Variants in AMOTL1 observed in about 807,000 individuals in gnomAD.
AMOTL1 encodes the protein angiomotin-like protein 1.
A neutral mutation model predicts 102.9 loss-of-function variants in AMOTL1; 45 were observed. That is an observed-to-expected ratio of 0.44 (90% CI 0.34 to 0.56). The LOEUF (loss-of-function observed/expected upper bound fraction) is 0.56, where lower values mean the gene tolerates loss of function less well. AMOTL1 is among the 20% of genes least tolerant of loss of function. AMOTL1 has a pLI of 0.01. For synonymous variants in AMOTL1, 481 were observed against 484.7 expected (o/e 0.99, Z 0.10); for missense variants, 1,114 against 1,225.6 (o/e 0.91, Z 1.36).
chr11:94,821,461 T>C, intron 3 of AMOTL1, 69 bp from the exon 4 acceptor site: 1 of 1,496,232 alleles, frequency 6.7e-7, no homozygotes, highest in Non-Finnish European at 9.0e-7. Flanking sequence ...AGTGCCAGTA[T>C]TGTTGGGGCT....
In AMOTL1 at chr11:94,853,896, C is replaced by A. The variant is rs750510924; in HGVS notation, c.1795-37C>A. Reference sequence around the variant, plus strand: ...CACCCCAGCTTTGAGAATCAGTGGTCTAAATTCTGTGCTCTTTTTTACTCT... The same window carrying A: ...CACCCCAGCTTTGAGAATCAGTGGTATAAATTCTGTGCTCTTTTTTACTCT... On this transcript the variant is annotated intron_variant, in intron 7 of 12. Transcript: ENST00000433060. 4 of 1,591,710 alleles carry A rather than the reference C, an allele frequency of 2.5e-6. No individual in the cohort carries two copies. In the South Asian group the frequency reaches 3.4e-5, roughly 14 times the overall value.
intron 6 of AMOTL1, among the ~76,000 whole-genome samples, chr11:94,845,562 G>A (rs1256288212): frequency 6.6e-6 from 1 of 152,170 alleles, no homozygotes; most frequent in Non-Finnish European, 1.5e-5. Flanking sequence ...CCTGTGGTAG[G>A]CATTTTATGG....
intron 4 of AMOTL1, among the ~76,000 whole-genome samples, chr11:94,826,900 C>G (rs180733184): frequency 1.3e-4 from 20 of 151,982 alleles, no homozygotes; most frequent in Admixed American, 1.2e-3. Context: ...TTTCTAGGTC[C>G]CTTCTAAGCA....
intron 3 of AMOTL1, among the ~76,000 whole-genome samples, chr11:94,755,739 T>C (rs963312671): frequency 6.6e-6 from 1 of 152,118 alleles, no homozygotes. Context: ...GGGAGCGTTT[T>C]TGGGCTCCAA....
upstream of AMOTL1, among the ~76,000 whole-genome samples, chr11:94,764,606 C>T (rs1462466258): frequency 6.6e-6 from 1 of 152,186 alleles, no homozygotes; most frequent in Middle Eastern, 3.2e-3. Flanking sequence ...TCATGTTCAT[C>T]CACTCTTCTT....
chr11:94,730,340 C>T (rs567823534), intron 2 of AMOTL1, among the ~76,000 whole-genome samples: 21 of 152,116 alleles, frequency 1.4e-4, no homozygotes, highest in Non-Finnish European at 2.8e-4. Flanking sequence ...GCAAAGGCTG[C>T]TATTATCATC....
At chr11:94,797,788 A>T (rs1951395589) in intron 2 of AMOTL1, among the ~76,000 whole-genome samples, 1 of 152,198 alleles carries the variant, frequency 6.6e-6, no homozygotes, top group Non-Finnish European at 1.5e-5. Flanking sequence ...CTGGAGCTTA[A>T]ACGCCAAAGG....
intron 6 of AMOTL1, among the ~76,000 whole-genome samples, chr11:94,848,406 A>C (rs1245759190): frequency 6.6e-6 from 1 of 151,994 alleles, no homozygotes; most frequent in East Asian, 1.9e-4. Flanking sequence ...TGGTGGCCTC[A>C]TCTTGTTTTC....
At chr11:94,864,699 T>A (rs750896840) in intron 9 of AMOTL1, 36 bp from the exon 10 acceptor site, 1 of 1,599,518 alleles carries the variant, frequency 6.3e-7, no homozygotes, top group Non-Finnish European at 8.5e-7. Flanking sequence ...AGCAAGAAGG[T>A]TTCCTATGAT....
chr11:94,783,729 A>G (rs1951142542), intron 1 of AMOTL1, among the ~76,000 whole-genome samples: 1 of 152,158 alleles, frequency 6.6e-6, no homozygotes, highest in South Asian at 2.1e-4. Context: ...TTTCTGCTTT[A>G]TGTGTTTGTC....
In AMOTL1 at chr11:94,807,244, G is replaced by A. The variant is rs117626661; in HGVS notation, c.1121+6933G>A. 4.2e-3 allele frequency among the ~76,000 whole-genome samples: 641 copies of A among 152,176 alleles called. 20 individuals carry two copies. The East Asian group carries it at 0.086, about 20-fold the overall frequency. On this transcript the variant is annotated intron_variant, in intron 3 of 12. Transcript: ENST00000433060. Reference sequence around the variant, plus strand: ...GTTCACTATGTTGCTTCAAGGACTAGAAAATTATAAGAAAATACTGTAAGT... The same window carrying A: ...GTTCACTATGTTGCTTCAAGGACTAAAAAATTATAAGAAAATACTGTAAGT...
At chr11:94,844,637 A>G (rs1263588511) in intron 6 of AMOTL1, among the ~76,000 whole-genome samples, 1 of 152,210 alleles carries the variant, frequency 6.6e-6, no homozygotes, top group African/African-American at 2.4e-5. Flanking sequence ...AGCAGAACTC[A>G]TTTTTTAAAT....
intron 6 of AMOTL1, among the ~76,000 whole-genome samples, chr11:94,833,464 C>T (rs1952114008): frequency 6.6e-6 from 1 of 152,170 alleles, no homozygotes; most frequent in Admixed American, 6.5e-5. Flanking sequence ...CAGATATTTT[C>T]TCCAGTTGTT....
intron 8 of AMOTL1, among the ~76,000 whole-genome samples, chr11:94,858,191 G>T (rs1038670103): frequency 6.6e-6 from 1 of 152,120 alleles, no homozygotes; most frequent in African/African-American, 2.4e-5. Flanking sequence ...GTCTCATCTC[G>T]CTGGACTGGT....
chr11:94,768,208 C>T (rs1407864106), upstream of AMOTL1: 9 of 1,079,304 alleles, frequency 8.3e-6, no homozygotes, highest in South Asian at 2.9e-4. Context: ...TCTCGCGGCC[C>T]GGGGAGGGGC....
intron 1 of AMOTL1, among the ~76,000 whole-genome samples, chr11:94,720,518 A>G (rs1950159424): frequency 6.6e-6 from 1 of 152,152 alleles, no homozygotes; most frequent in Non-Finnish European, 1.5e-5. Flanking sequence ...ATGTGGAAAC[A>G]TGATTGAGAA....
At chr11:94,743,637 T>A (rs1323771595) in intron 3 of AMOTL1, among the ~76,000 whole-genome samples, 1 of 145,070 alleles carries the variant, frequency 6.9e-6, no homozygotes, top group Non-Finnish European at 1.5e-5. Context: ...ATTATTTCTC[T>A]ACTCACAATA....
intron 4 of AMOTL1, among the ~76,000 whole-genome samples, chr11:94,827,416 T>C (rs758791274): frequency 2.6e-5 from 4 of 152,152 alleles, no homozygotes; most frequent in African/African-American, 4.8e-5. Context: ...TCCTGTGACA[T>C]GCCCAGCTGT....
At chr11:94,791,598 G>C (rs922158481) in intron 1 of AMOTL1, among the ~76,000 whole-genome samples, 50 of 152,286 alleles carry the variant, frequency 3.3e-4, no homozygotes, top group African/African-American at 1.2e-3. Context: ...AAGCCAGGGG[G>C]GTCCTTGGCA....
Sources: allele counts gnomAD v4.1 joint callset (sites outside exome capture counted in the v4.1 genomes callset), GRCh38; gene constraint gnomAD v4.1.1; transcripts MANE v1.5; gene names NCBI Gene and HGNC (gene_info 2026-07-23, HGNC 2026-07-21).